The following LAMB1 variants were observed in gnomAD, a reference collection of about 807,000 sequenced individuals.
LAMB1 encodes laminin subunit beta-1.
LAMB1 carries 121 observed loss-of-function variants against 222.3 expected under a neutral mutation model. The observed-to-expected ratio is 0.54, with a 90% confidence interval of 0.47 to 0.63. LAMB1 has a LOEUF of 0.63. Among genes scored for constraint, LAMB1 ranks in the 30% least tolerant of loss-of-function variants. LAMB1 has a pLI of 0.00. For synonymous variants in LAMB1, 794 were observed against 807.2 expected, an observed-to-expected ratio of 0.98 and a Z score of 0.28; for missense variants, 2,172 against 2,240.8, an observed-to-expected ratio of 0.97 and a Z score of 0.62.
chr7:107,970,059 T>C lies in LAMB1; in HGVS notation c.1562+2933A>G, dbSNP rs140623505. On this transcript the variant is annotated intron_variant, in intron 13 of 33. Coordinates refer to ENST00000222399, the MANE Select transcript of LAMB1 (RefSeq NM_002291.3). The stretch of plus-strand genomic sequence containing the variant: ...CCACCGTGCTGGGTGCCAAGTGAGA[T>C]GCAAAAACAAAGATGACATAATCTC... Among the ~76,000 whole-genome samples, 339 of 152,300 alleles carry C rather than the reference T, an allele frequency of 2.2e-3. 4 individuals carry two copies. The highest frequency in any genetic ancestry group is 7.1e-3 in the African/African-American group (297 of 41,568).
rs556395255 is a variant in LAMB1 at position 107,964,097 on chromosome 7, C to T, written c.1698+455G>A. Among the ~76,000 whole-genome samples the T allele has an allele frequency of 6.1e-4, 92 of 151,730 alleles. 1 individual carries two copies. In the South Asian group the frequency reaches 0.011, roughly 18 times the overall value. The stretch of plus-strand genomic sequence containing the variant: ...GGGCAATAAGAGCGAAACTCAGTCT[C>T]GAAAAAAAGAAAAAAGAAAGGTCGT... On this transcript the variant is annotated intron_variant, in intron 14 of 33. Coordinates refer to ENST00000222399, the MANE Select transcript of LAMB1 (RefSeq NM_002291.3).
At chr7:107,956,949 G>A (rs1007503706) in intron 20 of LAMB1, among the ~76,000 whole-genome samples, 6 of 152,308 alleles carry the variant, frequency 3.9e-5, no homozygotes, top group South Asian at 2.1e-4. Context: ...TGAATTTGGG[G>A]TCCTTAAAGC....
intron 31 of LAMB1, among the ~76,000 whole-genome samples, chr7:107,927,906 C>A (rs2032602540): frequency 6.6e-6 from 1 of 152,156 alleles, no homozygotes; most frequent in African/African-American, 2.4e-5. Context: ...GTTGAAAATT[C>A]ATCTTCCCAG....
At chr7:107,962,472 GGGAGGCT>G (rs2033526888) in intron 15 of LAMB1, among the ~76,000 whole-genome samples, 1 of 152,196 alleles carries the variant, frequency 6.6e-6, no homozygotes, top group African/African-American at 2.4e-5. Flanking sequence ...CCAGCACTTT[GGGAGGCT>G]GAGGCGGGCG....
Position 107,931,483 on chromosome 7 carries a change from C to G in LAMB1, c.4410G>C (p.Leu1470=), listed in dbSNP as rs761131768. 6.2e-7 allele frequency: 1 copy of G among 1,613,402 alleles called. No individual in the cohort carries two copies. The highest frequency in any genetic ancestry group is 1.3e-5 in the African/African-American group (1 of 74,872). ...CACTTTGTTTTGCCTCATCTGCCCTCAGTTTTGCTTCAGAGACCTAAATAT... is the reference window on the plus strand; with the variant it reads ...CACTTTGTTTTGCCTCATCTGCCCTGAGTTTTGCTTCAGAGACCTAAATAT... ...QLSKMVSEAK[L]RADEAKQSAE... Residue 1470 remains leucine, a synonymous_variant, in exon 29 of 34, where the codon CTG becomes CTC. Coordinates refer to ENST00000222399, the MANE Select transcript of LAMB1 (RefSeq NM_002291.3).
intron 5 of LAMB1, among the ~76,000 whole-genome samples, chr7:107,988,716 A>G (rs925093725): frequency 1.3e-5 from 2 of 152,168 alleles, no homozygotes; most frequent in African/African-American, 4.8e-5. Context: ...GTGGGCTGTA[A>G]TCATATGTCT....
chr7:107,989,050 A>G (rs1021543016), intron 5 of LAMB1, among the ~76,000 whole-genome samples: 7 of 152,310 alleles, frequency 4.6e-5, no homozygotes, highest in African/African-American at 1.7e-4. Context: ...ATTCAAATCC[A>G]TTCCTATCTT....
chr7:107,961,756 T>C, intron 15 of LAMB1, 80 bp from the exon 16 acceptor site: 13 of 1,452,784 alleles, frequency 8.9e-6, no homozygotes, highest in Non-Finnish European at 1.2e-5. Context: ...AATCAATCAA[T>C]TGCCAAGTTG....
intron 5 of LAMB1, among the ~76,000 whole-genome samples, chr7:107,988,005 A>T (rs748005082): frequency 1.4e-4 from 21 of 152,258 alleles, no homozygotes; most frequent in Non-Finnish European, 2.8e-4. Context: ...CTCTTGTGGT[A>T]GTTACTGGAC....
At chr7:107,965,293 A>T (rs2033609244) in intron 13 of LAMB1, among the ~76,000 whole-genome samples, 1 of 152,194 alleles carries the variant, frequency 6.6e-6, no homozygotes, top group Admixed American at 6.5e-5. Context: ...AAATATAAGA[A>T]ATGCGGCTGG....
intron 27 of LAMB1, 82 bp downstream of exon 27, chr7:107,935,333 G>GTT: frequency 6.7e-7 from 1 of 1,495,612 alleles, no homozygotes; most frequent in Non-Finnish European, 8.8e-7. Flanking sequence ...ACAAAAGATG[G>GTT]TTTGTTTTTC....
Position 107,923,815 on chromosome 7 carries a change from G to A in LAMB1, c.*136C>T. ...ACACCAAAATATATACAAAAGCACT[G>A]TACTTTATTTAACTCCATACAAAAT... On this transcript the variant is annotated 3_prime_UTR_variant, in exon 34 of 34. Transcript: ENST00000222399. The A allele has an allele frequency of 1.3e-6, 1 of 785,332 alleles. No individual in the cohort carries two copies. Among genetic ancestry groups the A allele is most frequent in the East Asian group, 2.9e-5 (1 of 34,598 alleles). The allele number at this position is 785,332 out of a possible 1,614,324, so 48.6% of individuals were successfully genotyped here.
At chr7:107,974,810 G>C (rs1257035388) in intron 12 of LAMB1, among the ~76,000 whole-genome samples, 176 bp downstream of exon 12, 1 of 152,208 alleles carries the variant, frequency 6.6e-6, no homozygotes, top group Non-Finnish European at 1.5e-5. Flanking sequence ...TAACAGGGAT[G>C]GTGAACATCT....
At chr7:107,968,301 T>C (rs2033674631) in intron 13 of LAMB1, among the ~76,000 whole-genome samples, 1 of 152,196 alleles carries the variant, frequency 6.6e-6, no homozygotes, top group South Asian at 2.1e-4. Context: ...ATGTATTCTC[T>C]ACAAATTTCT....
At position 107,931,368 on chromosome 7, in the gene LAMB1, TTC is replaced by T; in HGVS notation, c.4523_4524del (p.Arg1508LysfsTer7). ...AAAAATTTCTTACGGGTCAAAAAGT[TTC>T]TGATTTGCTTGATTAGATTTCTCAG... ...EELRNLIKQIRNFLTQDSADL... is the reference protein window; with the variant it reads ...EELRNLIKQIXNFLTQDSADL... On this transcript the variant is annotated frameshift_variant, in exon 29 of 34. Coordinates refer to ENST00000222399, the MANE Select transcript of LAMB1 (RefSeq NM_002291.3). LOFTEE classifies it high-confidence loss of function. 6.2e-7 allele frequency: 1 copy of T among 1,612,980 alleles called. No individual in the cohort carries two copies. The highest frequency in any genetic ancestry group is 8.5e-7 in the Non-Finnish European group (1 of 1,179,676).
intron 21 of LAMB1, among the ~76,000 whole-genome samples, chr7:107,955,265 T>C (rs998745895): frequency 3.3e-5 from 5 of 152,214 alleles, no homozygotes; most frequent in South Asian, 2.1e-4. Context: ...CTTTGTGTTA[T>C]AACGTTCTTA....
rs35218754 is a variant in LAMB1 at position 107,941,655 on chromosome 7, A to ATT, written c.3392-1299_3392-1298dup. Among the ~76,000 whole-genome samples, 1,287 of 143,586 alleles carry ATT rather than the reference A, an allele frequency of 9.0e-3. 16 individuals are homozygous for ATT. Among genetic ancestry groups the ATT allele is most frequent in the African/African-American group, 0.031 (1,217 of 38,802 alleles). The allele number at this position is 143,586 out of a possible 152,430, so 94.2% of individuals were successfully genotyped here. On this transcript the variant is annotated intron_variant, in intron 24 of 33. Coordinates refer to ENST00000222399, the MANE Select transcript of LAMB1 (RefSeq NM_002291.3). ...GCACAACAGATTCATGCTTTCTCGG[A>ATT]TTTTTTTTTTTTTTTGAGACGGAGG... is the stretch of plus-strand genomic sequence containing the variant.
chr7:107,964,404 T>C, intron 14 of LAMB1, 148 bp downstream of exon 14: 1 of 922,382 alleles, frequency 1.1e-6, no homozygotes, highest in Non-Finnish European at 1.7e-6. Context: ...ATATGACTCT[T>C]CTCAGGAAGG....
chr7:107,930,032 G>C (rs1562973598), intron 29 of LAMB1: 1 of 181,028 alleles, frequency 5.5e-6, no homozygotes, highest in Non-Finnish European at 1.2e-5. Context: ...AGAGCTTAAA[G>C]CTGAGACTTA....
Sources: allele counts gnomAD v4.1 joint callset (sites outside exome capture counted in the v4.1 genomes callset), GRCh38; gene constraint gnomAD v4.1.1; transcripts MANE v1.5; gene names NCBI Gene and HGNC (gene_info 2026-07-23, HGNC 2026-07-21).